Variants in SLCO1A2 observed in about 807,000 individuals in gnomAD.
The protein encoded by SLCO1A2 is OATP-1.
A neutral mutation model predicts 69.0 loss-of-function variants in SLCO1A2; 67 were observed. That is an observed-to-expected ratio of 0.97 (90% confidence interval 0.80 to 1.19). SLCO1A2 has a LOEUF of 1.19. Ranked by LOEUF, SLCO1A2 falls within the 50% of genes most tolerant of loss-of-function variation. The pLI is 0.00. For synonymous variants in SLCO1A2, 260 were observed against 265.9 expected (o/e 0.98, Z 0.22); for missense variants, 787 against 793.7 (o/e 0.99, Z 0.10).
At chr12:21,319,333 C>T (rs781252010) in intron 2 of SLCO1A2, 2 of 1,366,848 alleles carry the variant, frequency 1.5e-6, no homozygotes, top group South Asian at 1.1e-5. Flanking sequence ...AGCAAATATA[C>T]TTAAGTTCTC....
chr12:21,314,608 T>A lies in SLCO1A2; in HGVS notation c.276A>T (p.Gly92=), dbSNP rs1565492986. The A allele has an allele frequency of 6.2e-7, 1 of 1,613,916 alleles. No homozygotes were observed. The highest frequency in any genetic ancestry group is 8.5e-7 in the Non-Finnish European group (1 of 1,179,836). Residue 92 remains glycine (G), a synonymous_variant, in exon 4 of 15, where the codon GGA becomes GGT. Transcript: ENST00000683939. ...AACAGCCTAAGCCCATAACCACACA[T>A]CCAATGCCAATCATTATAGGTCTAT... ...KLHRPIMIGI[G]CVVMGLGCFL...
At chr12:21,359,686 G>T (rs994993055) in intron 2 of SLCO1A2, among the ~76,000 whole-genome samples, 3 of 151,748 alleles carry the variant, frequency 2.0e-5, no homozygotes, top group Middle Eastern at 6.8e-3. Context: ...GGCAGAGCTT[G>T]CAGTGAGCCG....
At chr12:21,274,436 A>G in intron 14 of SLCO1A2, 33 bp downstream of exon 14, 1 of 1,438,818 alleles carries the variant, frequency 7.0e-7, no homozygotes, top group Non-Finnish European at 9.8e-7. Context: ...GTCTATGCTT[A>G]TAAAACAATT....
intron 2 of SLCO1A2, among the ~76,000 whole-genome samples, chr12:21,348,690 A>G (rs1052355387): frequency 2.2e-4 from 34 of 152,184 alleles, no homozygotes; most frequent in African/African-American, 7.5e-4. Context: ...CCATTTATCA[A>G]CCACAAGGAA....
intron 2 of SLCO1A2, among the ~76,000 whole-genome samples, chr12:21,319,970 GATTA>G (rs1215384956): frequency 3.9e-5 from 6 of 152,316 alleles, no homozygotes; most frequent in African/African-American, 1.4e-4. Flanking sequence ...TAGTTAGGTA[GATTA>G]ATTACTGCTT....
At chr12:21,419,208 G>C (rs1010866432), upstream of SLCO1A2, 1 of 154,474 alleles carries the variant, frequency 6.5e-6, no homozygotes, top group Non-Finnish European at 1.4e-5. Context: ...TAATAATCTC[G>C]AGCTCCCCCA....
At chr12:21,288,011 T>TA (rs59000175) in intron 12 of SLCO1A2, among the ~76,000 whole-genome samples, 12,531 of 102,952 alleles carry the variant, frequency 0.12, 688 homozygotes, top group East Asian at 0.29. Context: ...TAAAGTATAA[T>TA]AAAAAAAAAA....
rs1014495182 is a variant in SLCO1A2, at chr12:21,313,997, GA to G, written c.335+551del. ...TAATAAATAATAAAAAAAAAAAACAGAAAAAAAAGAAAGAAATTGGTGGCAA... is the reference window on the plus strand; with the variant it reads ...TAATAAATAATAAAAAAAAAAAACAGAAAAAAAGAAAGAAATTGGTGGCAA... On this transcript the variant is annotated intron_variant, in intron 4 of 14. Coordinates refer to ENST00000683939, the MANE Select transcript of SLCO1A2 (RefSeq NM_001386879.1). 7.0e-5 allele frequency among the ~76,000 whole-genome samples: 10 copies of G among 143,432 alleles called. 1 individual carries two copies. Among genetic ancestry groups the G allele is most frequent in the Non-Finnish European group, 7.8e-5 (5 of 64,002 alleles). 94.1% of individuals were successfully genotyped at this position (143,432 alleles called of 152,430 possible). A position where few individuals can be genotyped will look rare whatever the true frequency, so the allele number is the denominator to read the frequency against.
At chr12:21,406,342 T>C (rs1448518002) in intron 1 of SLCO1A2, among the ~76,000 whole-genome samples, 1 of 79,422 alleles carries the variant, frequency 1.3e-5, no homozygotes, top group Non-Finnish European at 2.8e-5. Flanking sequence ...ACTATTTAAG[T>C]AGTTTGAAGG....
chr12:21,398,109 A>G (rs1418722000), upstream of SLCO1A2, among the ~76,000 whole-genome samples: 1 of 145,290 alleles, frequency 6.9e-6, no homozygotes, highest in South Asian at 2.2e-4. Flanking sequence ...AGGATCAACA[A>G]AATTGATAGA....
upstream of SLCO1A2, among the ~76,000 whole-genome samples, chr12:21,339,835 T>C (rs1953009183): frequency 6.6e-6 from 1 of 151,894 alleles, no homozygotes; most frequent in Non-Finnish European, 1.5e-5. Flanking sequence ...AGTGGAAAAC[T>C]TAGTTTGCAG....
chr12:21,405,831 A>C (rs886400844), intron 1 of SLCO1A2, among the ~76,000 whole-genome samples: 3 of 152,236 alleles, frequency 2.0e-5, no homozygotes, highest in African/African-American at 7.2e-5. Context: ...TGGAATGTTT[A>C]AAAGCACTAG....
At chr12:21,380,122 A>T (rs958090092) in intron 1 of SLCO1A2, 1 of 152,164 alleles carries the variant, frequency 6.6e-6, no homozygotes, top group Non-Finnish European at 1.5e-5. Context: ...ATTGCATATC[A>T]CACCTATATA....
At chr12:21,328,826 G>T (rs556482337) in intron 2 of SLCO1A2, among the ~76,000 whole-genome samples, 1 of 152,314 alleles carries the variant, frequency 6.6e-6, no homozygotes, top group South Asian at 2.1e-4. Flanking sequence ...AGTGAGCAAA[G>T]GGGAGGGGAG....
intron 2 of SLCO1A2, among the ~76,000 whole-genome samples, chr12:21,327,597 C>A (rs1198552143): frequency 6.6e-6 from 1 of 152,176 alleles, no homozygotes; most frequent in Non-Finnish European, 1.5e-5. Context: ...GTGAGACACG[C>A]AGTCAAAGGA....
Position 21,267,385 on chromosome 12 carries a change from G to A in SLCO1A2, c.*2163C>T, listed in dbSNP as rs1393852466. ...AATAGGGATGATGAATGGGCCTCAG[G>A]AGCTTGAGTAAGTTTTTGCTTATTC... On this transcript the variant is annotated 3_prime_UTR_variant, in exon 15 of 15. Transcript: ENST00000683939. The A allele has an allele frequency of 6.6e-6, 1 of 152,090 alleles. No individual in the cohort carries two copies. The highest frequency in any genetic ancestry group is 1.5e-5 in the Non-Finnish European group (1 of 68,008). The allele number at this position is 152,090 out of a possible 1,614,324, so 9.4% of individuals were successfully genotyped here.
intron 1 of SLCO1A2, among the ~76,000 whole-genome samples, chr12:21,410,049 G>C (rs1162882874): frequency 6.6e-6 from 1 of 151,956 alleles, no homozygotes; most frequent in East Asian, 1.9e-4. Context: ...CATAATCCTT[G>C]GATCACCCCC....
chr12:21,374,214 T>A (rs1940020040), intron 2 of SLCO1A2, among the ~76,000 whole-genome samples: 1 of 152,152 alleles, frequency 6.6e-6, no homozygotes, highest in South Asian at 2.1e-4. Context: ...ACTCTTAGAG[T>A]AGTTAAAATT....
At chr12:21,332,694 C>T (rs1407795431) in intron 2 of SLCO1A2, among the ~76,000 whole-genome samples, 1 of 152,096 alleles carries the variant, frequency 6.6e-6, no homozygotes, top group Admixed American at 6.6e-5. Flanking sequence ...CCATCTTTCT[C>T]ACTGTGTCTT....
Sources: gnomAD v4.1 joint callset for allele counts (sites outside exome capture counted in the v4.1 genomes callset) on GRCh38, gnomAD v4.1.1 for gene constraint, MANE v1.5 for transcripts, NCBI Gene and HGNC (gene_info 2026-07-23, HGNC 2026-07-21) for gene names.